The following CTTNBP2NL variants were observed in gnomAD, a reference collection of about 807,000 sequenced individuals.
CTTNBP2NL encodes CTTNBP2 N-terminal like.
Under a neutral mutation model 32.5 loss-of-function variants are expected in CTTNBP2NL, and 16 were observed. The observed-to-expected ratio is 0.49, with a 90% confidence interval of 0.33 to 0.75. The LOEUF (loss-of-function observed/expected upper bound fraction) is 0.75, where lower values mean the gene tolerates loss of function less well. Ranked by LOEUF, CTTNBP2NL falls within the 30% of genes least tolerant of loss-of-function variation. The pLI is 0.02. For missense variants in CTTNBP2NL, 645 were observed against 756.0 expected (o/e 0.85, Z 1.72); for synonymous variants, 298 against 289.4 (o/e 1.03, Z -0.30).
chr1:112,443,626 G>T (rs898217372), intron 3 of CTTNBP2NL, among the ~76,000 whole-genome samples: 1 of 152,202 alleles, frequency 6.6e-6, no homozygotes, highest in Non-Finnish European at 1.5e-5. Flanking sequence ...TGGTATTATA[G>T]CTGTGAGCCA....
At chr1:112,421,629 A>G (rs1261081152) in intron 3 of CTTNBP2NL, among the ~76,000 whole-genome samples, 1 of 151,850 alleles carries the variant, frequency 6.6e-6, no homozygotes, top group Non-Finnish European at 1.5e-5. Flanking sequence ...AAAAAAAAAA[A>G]AAGGAGAAGA....
rs1650475589 is a variant in CTTNBP2NL, at chr1:112,459,340, GT to G, written c.*1930del. The G allele has an allele frequency of 6.6e-6, 1 of 152,218 alleles. No homozygotes were observed. The allele number at this position is 152,218 out of a possible 1,614,324, so 9.4% of individuals were successfully genotyped here. A position where few individuals can be genotyped will look rare whatever the true frequency, so the allele number is the denominator to read the frequency against. ...TCCACAACCCAGCTCAGACACAGTG[GT>G]TATATGATTTTGTGTCCATACAGGA... On this transcript the variant is annotated 3_prime_UTR_variant, in exon 6 of 6. Coordinates refer to ENST00000271277, the MANE Select transcript of CTTNBP2NL (RefSeq NM_018704.3).
chr1:112,457,252 C>T lies in CTTNBP2NL; in HGVS notation c.1760C>T (p.Pro587Leu). The change falls in exon 6 of 6, where the codon CCT becomes CTT. Residue 587 changes from proline (P) to leucine (L), a missense_variant. Physicochemically the swap from Pro to Leu is moderately conservative, Grantham distance 98. Coordinates refer to ENST00000271277, the MANE Select transcript of CTTNBP2NL (RefSeq NM_018704.3). ...GNPPPIPPKK[P>L]GLTPSPSATT... ...CCTCCACCCATCCCACCCAAGAAACCTGGCCTCACCCCTTCTCCATCTGCT... is the reference window on the plus strand; with the variant it reads ...CCTCCACCCATCCCACCCAAGAAACTTGGCCTCACCCCTTCTCCATCTGCT... 1 of 1,614,186 alleles carries T rather than the reference C, an allele frequency of 6.2e-7. No individual in the cohort carries two copies. Among genetic ancestry groups the T allele is most frequent in the Admixed American group, 1.7e-5 (1 of 60,026 alleles).
intron 1 of CTTNBP2NL, among the ~76,000 whole-genome samples, chr1:112,401,057 G>T (rs932646883): frequency 6.6e-6 from 1 of 150,682 alleles, no homozygotes; most frequent in Admixed American, 6.6e-5. Context: ...GATATAAGAA[G>T]CACTTAGTAA....
intron 3 of CTTNBP2NL, among the ~76,000 whole-genome samples, chr1:112,440,375 T>G (rs1354145996): frequency 6.6e-6 from 1 of 152,252 alleles, no homozygotes; most frequent in African/African-American, 2.4e-5. Context: ...ATTTGCATGT[T>G]TATCATAGCT....
Position 112,455,878 on chromosome 1 carries a change from A to G in CTTNBP2NL, c.439-53A>G, listed in dbSNP as rs1650345114. Reference sequence around the variant, plus strand: ...ATACCAGAGAACAGCTAACGAAGACAGTCTACTTGATCACAGTTTGTCAGT... The same window carrying G: ...ATACCAGAGAACAGCTAACGAAGACGGTCTACTTGATCACAGTTTGTCAGT... On this transcript the variant is annotated intron_variant, in intron 5 of 5. Coordinates refer to ENST00000271277, the MANE Select transcript of CTTNBP2NL (RefSeq NM_018704.3). The G allele has an allele frequency of 3.8e-6, 5 of 1,316,914 alleles. No individual in the cohort carries two copies. In the Admixed American group the frequency reaches 1.2e-4, roughly 31 times the overall value. 81.6% of individuals were successfully genotyped at this position (1,316,914 alleles called of 1,614,324 possible).
At chr1:112,427,883 A>G (rs890039142) in intron 3 of CTTNBP2NL, among the ~76,000 whole-genome samples, 7 of 125,572 alleles carry the variant, frequency 5.6e-5, no homozygotes, top group African/African-American at 2.1e-4. Flanking sequence ...GGGACAGAGC[A>G]AGACTCTGTC....
upstream of CTTNBP2NL, among the ~76,000 whole-genome samples, chr1:112,395,708 G>T (rs1012858522): frequency 1.3e-5 from 2 of 149,076 alleles, no homozygotes; most frequent in Non-Finnish European, 2.9e-5. Flanking sequence ...CCAGCACCAC[G>T]CCCACAGGCG....
At chr1:112,432,163 T>C (rs1198503140) in intron 3 of CTTNBP2NL, among the ~76,000 whole-genome samples, 1 of 136,550 alleles carries the variant, frequency 7.3e-6, no homozygotes, top group Non-Finnish European at 1.5e-5. Flanking sequence ...AAGTTCTGCC[T>C]CCCGGGTTCA....
At chr1:112,426,111 G>A (rs1277619561) in intron 3 of CTTNBP2NL, among the ~76,000 whole-genome samples, 1 of 151,752 alleles carries the variant, frequency 6.6e-6, no homozygotes, top group Non-Finnish European at 1.5e-5. Flanking sequence ...CAAGTTGTTG[G>A]CCGTAGGTTT....
intron 2 of CTTNBP2NL, among the ~76,000 whole-genome samples, chr1:112,413,320 C>T (rs866458770): frequency 1.6e-4 from 24 of 152,146 alleles, no homozygotes; most frequent in African/African-American, 4.1e-4. Context: ...AAGTTATTTC[C>T]GAGGTCATCG....
chr1:112,395,996 C>G (rs1648309072), upstream of CTTNBP2NL, among the ~76,000 whole-genome samples: 2 of 152,348 alleles, frequency 1.3e-5, no homozygotes, highest in South Asian at 4.1e-4. Flanking sequence ...AGCCCAGGAC[C>G]CAGGAGGGCG....
At chr1:112,399,109 G>A (rs1305422281) in intron 1 of CTTNBP2NL, among the ~76,000 whole-genome samples, 2 of 151,866 alleles carry the variant, frequency 1.3e-5, no homozygotes, top group African/African-American at 2.4e-5. Context: ...CACGAGGTCA[G>A]GAGTTCGAGA....
At chr1:112,405,910 G>A (rs1557884180) in intron 1 of CTTNBP2NL, among the ~76,000 whole-genome samples, 1 of 152,178 alleles carries the variant, frequency 6.6e-6, no homozygotes, top group Non-Finnish European at 1.5e-5. Context: ...ATGCGGCCGG[G>A]CGCAGTGGCT....
At chr1:112,452,207 G>A (rs541355233) in intron 4 of CTTNBP2NL, among the ~76,000 whole-genome samples, 7 of 151,466 alleles carry the variant, frequency 4.6e-5, no homozygotes, top group Non-Finnish European at 8.8e-5. Flanking sequence ...TTGCCTGGGC[G>A]GGAGTACAGT....
intron 3 of CTTNBP2NL, among the ~76,000 whole-genome samples, chr1:112,441,307 C>G (rs1231771501): frequency 6.6e-6 from 1 of 152,316 alleles, no homozygotes; most frequent in South Asian, 2.1e-4. Context: ...ACAGAACATA[C>G]TCTTTTATGC....
At chr1:112,432,401 G>C (rs1649595198) in intron 3 of CTTNBP2NL, among the ~76,000 whole-genome samples, 1 of 151,952 alleles carries the variant, frequency 6.6e-6, no homozygotes, top group African/African-American at 2.4e-5. Flanking sequence ...ACTGATGATG[G>C]AATTAAAATA....
At chr1:112,429,899 C>CT (rs1326774993) in intron 3 of CTTNBP2NL, among the ~76,000 whole-genome samples, 10 of 152,146 alleles carry the variant, frequency 6.6e-5, no homozygotes, top group African/African-American at 2.4e-4. Context: ...CTCTTCCTTC[C>CT]TTTTAGCTTG....
At position 112,456,371 on chromosome 1, in the gene CTTNBP2NL, A is replaced by G. The variant is rs1650363037; in HGVS notation, c.879A>G (p.Pro293=). 5 of 1,614,090 alleles carry G rather than the reference A, an allele frequency of 3.1e-6. No individual in the cohort carries two copies. The highest frequency in any genetic ancestry group is 4.2e-6 in the Non-Finnish European group (5 of 1,180,032). ...GCCCTAATGAGCAATTGAAGAAACC[A>G]GTAACCGTGTCCAAAGGCACAGCAA... ...HSSPNEQLKK[P]VTVSKGTATE... The change falls in exon 6 of 6, where the codon CCA becomes CCG. Residue 293 remains proline (P), a synonymous_variant. Coordinates refer to ENST00000271277, the MANE Select transcript of CTTNBP2NL (RefSeq NM_018704.3).
Sources: allele counts gnomAD v4.1 joint callset (sites outside exome capture counted in the v4.1 genomes callset), GRCh38; gene constraint gnomAD v4.1.1; transcripts MANE v1.5; gene names NCBI Gene and HGNC (gene_info 2026-07-23, HGNC 2026-07-21).